ZNF678: variants seen among roughly 807,000 people sequenced by gnomAD.
ZNF678 encodes the protein zinc finger protein 678.
ZNF678 carries 5 observed loss-of-function variants against 3.0 expected under a neutral mutation model. The ratio of observed to expected loss-of-function variants is 1.69; its 90% CI spans 0.88 to 3.56. The LOEUF (loss-of-function observed/expected upper bound fraction) is 3.56, where lower values mean the gene tolerates loss of function less well. ZNF678 is among the 30% of genes most tolerant of loss of function. The probability of loss-of-function intolerance (pLI) is 0.00; values close to 1 mark genes in which losing one functional copy is unlikely to be tolerated. For missense variants in ZNF678, 593 were observed against 605.0 expected, an observed-to-expected ratio of 0.98 and a Z score of 0.21; for synonymous variants, 218 against 199.6, an observed-to-expected ratio of 1.09 and a Z score of -0.78.
intron 1 of ZNF678, among the ~76,000 whole-genome samples, chr1:227,584,517 T>C (rs1436133447): frequency 6.6e-6 from 1 of 152,246 alleles, no homozygotes; most frequent in African/African-American, 2.4e-5. Flanking sequence ...TGTCCATGTG[T>C]GAGGAACACT....
At chr1:227,598,438 G>T in intron 1 of ZNF678, 1 of 1,476,716 alleles carries the variant, frequency 6.8e-7, no homozygotes, top group South Asian at 1.3e-5. Context: ...GGTGAGTCAG[G>T]ACTTGAACTA....
At chr1:227,596,488 A>G (rs539835862) in intron 1 of ZNF678, among the ~76,000 whole-genome samples, 2 of 152,324 alleles carry the variant, frequency 1.3e-5, no homozygotes, top group South Asian at 2.1e-4. Flanking sequence ...GAATCTATAG[A>G]TAACATAACC....
intron 1 of ZNF678, among the ~76,000 whole-genome samples, chr1:227,616,992 C>A (rs1658158430): frequency 6.6e-6 from 1 of 152,164 alleles, no homozygotes; most frequent in Non-Finnish European, 1.5e-5. Context: ...ATAGCAGATC[C>A]CATGGTGCTT....
At chr1:227,595,888 A>G (rs377312819) in intron 1 of ZNF678, among the ~76,000 whole-genome samples, 1 of 152,140 alleles carries the variant, frequency 6.6e-6, no homozygotes, top group Non-Finnish European at 1.5e-5. Flanking sequence ...CTGTCAAGCA[A>G]TTTAAACCAA....
At position 227,628,695 on chromosome 1, in the gene ZNF678, T is replaced by C. The variant is rs116615998; in HGVS notation, c.-163-17849T>C. Reference sequence around the variant, plus strand: ...CTTGTAGCCACAGGTGGCGAGGAAGTTTAAGAGCACTTGGTTGGCTTGATG... The same window carrying C: ...CTTGTAGCCACAGGTGGCGAGGAAGCTTAAGAGCACTTGGTTGGCTTGATG... On this transcript the variant is annotated intron_variant, in intron 1 of 3. Coordinates refer to ENST00000343776, the MANE Select transcript of ZNF678 (RefSeq NM_001367909.1). Among the ~76,000 whole-genome samples, 616 of 152,312 alleles carry C rather than the reference T, an allele frequency of 4.0e-3. 6 individuals are homozygous for C. Among genetic ancestry groups the C allele is most frequent in the African/African-American group, 0.014 (585 of 41,558 alleles).
intron 1 of ZNF678, among the ~76,000 whole-genome samples, chr1:227,571,225 T>C (rs1656832383): frequency 6.6e-6 from 1 of 152,358 alleles, no homozygotes; most frequent in South Asian, 2.1e-4. Context: ...TCTGTAAAAT[T>C]GTACTGCCAT....
At chr1:227,594,840 C>G (rs907856657) in intron 1 of ZNF678, among the ~76,000 whole-genome samples, 5 of 152,048 alleles carry the variant, frequency 3.3e-5, no homozygotes, top group Non-Finnish European at 7.4e-5. Flanking sequence ...ACATAAATTC[C>G]GCCCCCCCCT....
At chr1:227,611,753 T>C (rs1321869367) in intron 1 of ZNF678, among the ~76,000 whole-genome samples, 2 of 152,186 alleles carry the variant, frequency 1.3e-5, no homozygotes, top group Non-Finnish European at 2.9e-5. Context: ...GTGGTTAATA[T>C]ATGCTTCTCA....
At chr1:227,627,504 G>T (rs1658447573) in intron 1 of ZNF678, among the ~76,000 whole-genome samples, 1 of 152,018 alleles carries the variant, frequency 6.6e-6, no homozygotes, top group Admixed American at 6.6e-5. Context: ...CCTTTCTGAT[G>T]ATCTCGGCCA....
chr1:227,571,734 T>C (rs947899731), intron 1 of ZNF678, among the ~76,000 whole-genome samples: 1 of 152,226 alleles, frequency 6.6e-6, no homozygotes, highest in African/African-American at 2.4e-5. Context: ...ATTTCTGATA[T>C]TGTCCTATCA....
intron 3 of ZNF678, 48 bp downstream of exon 3, chr1:227,651,124 G>T: frequency 1.3e-6 from 2 of 1,599,836 alleles, no homozygotes; most frequent in African/African-American, 1.3e-5. Flanking sequence ...GATCTTTTCT[G>T]GGTTCATAGT....
At chr1:227,630,391 C>T (rs758514587) in intron 1 of ZNF678, among the ~76,000 whole-genome samples, 5 of 152,228 alleles carry the variant, frequency 3.3e-5, no homozygotes, top group Non-Finnish European at 7.3e-5. Flanking sequence ...GGGAATTGTT[C>T]TCTTTCCTCT....
At chr1:227,663,535 C>T (rs567738428), downstream of ZNF678, among the ~76,000 whole-genome samples, 1 of 152,204 alleles carries the variant, frequency 6.6e-6, no homozygotes, top group Admixed American at 6.5e-5. Flanking sequence ...TTTGTAAACA[C>T]TTCCCTCATA....
chr1:227,582,160 C>G (rs1170442439), intron 1 of ZNF678, among the ~76,000 whole-genome samples: 1 of 145,180 alleles, frequency 6.9e-6, no homozygotes, highest in Non-Finnish European at 1.5e-5. Flanking sequence ...AGTATATTGT[C>G]AGATATATAC....
chr1:227,639,439 T>C (rs1018141176), intron 1 of ZNF678, among the ~76,000 whole-genome samples: 7 of 152,252 alleles, frequency 4.6e-5, no homozygotes, highest in Non-Finnish European at 8.8e-5. Flanking sequence ...ATCAAGCTTC[T>C]GAAGCTTGCA....
chr1:227,615,269 G>A (rs532791147), intron 1 of ZNF678, among the ~76,000 whole-genome samples: 40 of 152,320 alleles, frequency 2.6e-4, no homozygotes, highest in Middle Eastern at 3.4e-3. Context: ...CTCACATAGA[G>A]GCTCAGTGCA....
At position 227,656,109 on chromosome 1, in the gene ZNF678, C is replaced by T. The variant is rs769459085; in HGVS notation, c.*281C>T. ...AAAACCTCCTACAAATGTGGAAAAA[C>T]ATTTTTTCAAGATATATGCCTTAGA... On this transcript the variant is annotated 3_prime_UTR_variant, in exon 4 of 4. Coordinates refer to ENST00000343776, the MANE Select transcript of ZNF678 (RefSeq NM_001367909.1). The T allele has an allele frequency of 1.4e-4, 33 of 236,224 alleles. No individual in the cohort carries two copies. The Middle Eastern group carries it at 7.3e-3, about 52-fold the overall frequency. 14.6% of individuals were successfully genotyped at this position (236,224 alleles called of 1,614,324 possible). A position where few individuals can be genotyped will look rare whatever the true frequency, so the allele number is the denominator to read the frequency against.
At chr1:227,576,304 G>A (rs1363433671) in intron 1 of ZNF678, among the ~76,000 whole-genome samples, 1 of 152,190 alleles carries the variant, frequency 6.6e-6, no homozygotes, top group Non-Finnish European at 1.5e-5. Flanking sequence ...CAAGCTTTTG[G>A]AAGAGTTTCA....
At chr1:227,619,652 C>T (rs1404892161) in intron 1 of ZNF678, among the ~76,000 whole-genome samples, 1 of 152,098 alleles carries the variant, frequency 6.6e-6, no homozygotes, top group Non-Finnish European at 1.5e-5. Context: ...GCTGTGACTA[C>T]AGGTGCCGCC....
Sources: allele counts gnomAD v4.1 joint callset (sites outside exome capture counted in the v4.1 genomes callset), GRCh38; gene constraint gnomAD v4.1.1; transcripts MANE v1.5; gene names NCBI Gene and HGNC (gene_info 2026-07-23, HGNC 2026-07-21).